Variants in SMURF2 observed in about 807,000 individuals in gnomAD.
The protein encoded by SMURF2 is E3 ubiquitin-protein ligase SMURF2.
Under a neutral mutation model 109.6 loss-of-function variants are expected in SMURF2, and 48 were observed. The ratio of observed to expected loss-of-function variants is 0.44; its 90% CI spans 0.35 to 0.56. The LOEUF (loss-of-function observed/expected upper bound fraction) is 0.56. Ranked by LOEUF, SMURF2 falls within the 20% of genes least tolerant of loss-of-function variation. SMURF2 has a pLI of 0.01. For synonymous variants in SMURF2, 288 were observed against 317.1 expected (o/e 0.91, Z 0.97); for missense variants, 575 against 909.0 (o/e 0.63, Z 4.72).
chr17:64,549,696 T>C (rs1452543498), intron 16 of SMURF2, among the ~76,000 whole-genome samples: 1 of 152,116 alleles, frequency 6.6e-6, no homozygotes, highest in African/African-American at 2.4e-5. Flanking sequence ...AGGCAGAGGT[T>C]GCGGTAAGTG....
chr17:64,614,065 G>A (rs577712855), intron 1 of SMURF2, among the ~76,000 whole-genome samples: 6 of 152,194 alleles, frequency 3.9e-5, no homozygotes, highest in African/African-American at 1.4e-4. Context: ...GATCTGAGAG[G>A]AGGCTGAGCT....
Position 64,542,826 on chromosome 17 carries a change from T to C in SMURF2, c.*3022A>G, listed in dbSNP as rs559439906. The C allele has an allele frequency of 6.6e-6, 1 of 152,248 alleles. No homozygotes were observed. Among genetic ancestry groups the C allele is most frequent in the East Asian group, 1.9e-4 (1 of 5,180 alleles). The allele number at this position is 152,248 out of a possible 1,614,324, so 9.4% of individuals were successfully genotyped here. ...ATACATGAAAGAAAAAAAGGCTTGG[T>C]AAAAAACCCATTCGGGGCAACAAAC... On this transcript the variant is annotated 3_prime_UTR_variant, in exon 19 of 19. Coordinates refer to ENST00000262435, the MANE Select transcript of SMURF2 (RefSeq NM_022739.4).
chr17:64,544,851 A>G lies in SMURF2; in HGVS notation c.*997T>C, dbSNP rs1332647799. On this transcript the variant is annotated 3_prime_UTR_variant, in exon 19 of 19. Transcript: ENST00000262435. The stretch of plus-strand genomic sequence containing the variant: ...CTTTAGGATGGTTTTGTTAATGGAA[A>G]CTTACACTGTAGTTAAAATACAATA... The G allele has an allele frequency of 6.6e-6, 1 of 152,622 alleles. No individual in the cohort carries two copies. The highest frequency in any genetic ancestry group is 1.5e-5 in the Non-Finnish European group (1 of 68,042). The allele number at this position is 152,622 out of a possible 1,614,324, so 9.5% of individuals were successfully genotyped here. A position where few individuals can be genotyped will look rare whatever the true frequency, so the allele number is the denominator to read the frequency against.
intron 1 of SMURF2, among the ~76,000 whole-genome samples, chr17:64,651,857 C>T (rs1488652770): frequency 3.9e-5 from 6 of 152,012 alleles, no homozygotes; most frequent in African/African-American, 1.2e-4. Flanking sequence ...AGTTCAAGAT[C>T]GCAGTGAGCT....
intron 16 of SMURF2, among the ~76,000 whole-genome samples, chr17:64,548,922 T>C (rs1461653100): frequency 6.6e-6 from 1 of 152,110 alleles, no homozygotes; most frequent in Non-Finnish European, 1.5e-5. Context: ...AACTTGCAAA[T>C]CCTGTATTTT....
At chr17:64,637,965 A>C (rs1555692235) in intron 1 of SMURF2, among the ~76,000 whole-genome samples, 1 of 148,564 alleles carries the variant, frequency 6.7e-6, no homozygotes, top group African/African-American at 2.5e-5. Flanking sequence ...CAAATGTATA[A>C]TTTTCTTTCT....
intron 15 of SMURF2, among the ~76,000 whole-genome samples, chr17:64,551,981 C>T (rs1555683665): frequency 6.6e-6 from 1 of 152,208 alleles, no homozygotes; most frequent in Admixed American, 6.5e-5. Context: ...AGGACGTCTA[C>T]TAGAGCTGAG....
rs940857573 is a variant in SMURF2 at position 64,616,797 on chromosome 17, A to C, written c.53-10157T>G. Among the ~76,000 whole-genome samples, 7 of 152,002 alleles carry C rather than the reference A, an allele frequency of 4.6e-5. No individual in the cohort carries two copies. In the South Asian group the frequency reaches 6.2e-4, roughly 14 times the overall value. Reference sequence around the variant, plus strand: ...AAAGAATCTTACTCTAGGCTGGCACAGTGGCTCATGCCTGTAATCCCAACA... The same window carrying C: ...AAAGAATCTTACTCTAGGCTGGCACCGTGGCTCATGCCTGTAATCCCAACA... On this transcript the variant is annotated intron_variant, in intron 1 of 18. Coordinates refer to ENST00000262435, the MANE Select transcript of SMURF2 (RefSeq NM_022739.4).
chr17:64,565,084 A>T (rs893611091), intron 10 of SMURF2, among the ~76,000 whole-genome samples: 3 of 152,216 alleles, frequency 2.0e-5, no homozygotes, highest in Non-Finnish European at 4.4e-5. Flanking sequence ...GGCTGATTTT[A>T]AAAAATCCAG....
intron 16 of SMURF2, among the ~76,000 whole-genome samples, chr17:64,548,858 A>G (rs1968995683): frequency 6.6e-6 from 1 of 152,200 alleles, no homozygotes; most frequent in Non-Finnish European, 1.5e-5. Flanking sequence ...AACTCACCAT[A>G]CTAATCTAAC....
chr17:64,623,044 G>C (rs982289612), intron 1 of SMURF2, among the ~76,000 whole-genome samples: 2 of 151,984 alleles, frequency 1.3e-5, no homozygotes, highest in African/African-American at 2.4e-5. Context: ...CCATTGGTTC[G>C]TGTGTTCCTT....
intron 1 of SMURF2, among the ~76,000 whole-genome samples, chr17:64,617,807 A>G (rs1173025306): frequency 2.0e-5 from 3 of 152,186 alleles, no homozygotes; most frequent in African/African-American, 4.8e-5. Flanking sequence ...TAGTCCACTC[A>G]TATCAAACAA....
intron 10 of SMURF2, among the ~76,000 whole-genome samples, chr17:64,569,273 C>A (rs1969362985): frequency 6.6e-6 from 1 of 151,604 alleles, no homozygotes; most frequent in Non-Finnish European, 1.5e-5. Context: ...TGTACTCCAG[C>A]CTGGGTGACA....
intron 10 of SMURF2, among the ~76,000 whole-genome samples, chr17:64,563,966 T>A (rs782073834): frequency 2.6e-5 from 4 of 152,096 alleles, no homozygotes; most frequent in Non-Finnish European, 5.9e-5. Flanking sequence ...ACAAGTCAAG[T>A]CATAGACTAG....
chr17:64,592,185 A>G (rs537394781), intron 4 of SMURF2, among the ~76,000 whole-genome samples: 1 of 152,322 alleles, frequency 6.6e-6, no homozygotes, highest in Admixed American at 6.5e-5. Context: ...GACAGGATTC[A>G]TGCCTTTTTC....
rs1048836591 is a variant in SMURF2 at position 64,581,014 on chromosome 17, A to G, written c.570-23T>C. The stretch of plus-strand genomic sequence containing the variant: ...GGTCTATTGAAAATTAACAAGGAAA[A>G]GATGTTATCAATTTAGATATCAAAA... On this transcript the variant is annotated intron_variant, in intron 7 of 18. Coordinates refer to ENST00000262435, the MANE Select transcript of SMURF2 (RefSeq NM_022739.4). The surrounding 1 kb of genome is among the most constrained non-coding windows in gnomAD (Gnocchi z 4.3). The G allele has an allele frequency of 2.5e-6, 4 of 1,608,174 alleles. No homozygotes were observed. The Admixed American group carries it at 5.0e-5, about 20-fold the overall frequency.
At chr17:64,593,621 T>C (rs1969778770) in intron 3 of SMURF2, 48 bp from the exon 4 acceptor site, 3 of 1,438,770 alleles carry the variant, frequency 2.1e-6, no homozygotes, top group Non-Finnish European at 2.8e-6. Context: ...TACAGGCAGT[T>C]GGCGTAAAAT....
chr17:64,661,563 G>T (rs1041385834), intron 1 of SMURF2, among the ~76,000 whole-genome samples: 2 of 152,010 alleles, frequency 1.3e-5, no homozygotes, highest in African/African-American at 4.8e-5. Flanking sequence ...AAGACTTTCC[G>T]ACCTGAAATC....
rs1466774985 is a variant in SMURF2 at position 64,544,963 on chromosome 17, C to T, written c.*885G>A. ...GCTGACCCAGCAAAATAACGAAAATCCCATCCCATCCACATGCTCTGAGAA... is the reference window on the plus strand; with the variant it reads ...GCTGACCCAGCAAAATAACGAAAATTCCATCCCATCCACATGCTCTGAGAA... On this transcript the variant is annotated 3_prime_UTR_variant, in exon 19 of 19. Transcript: ENST00000262435. The T allele has an allele frequency of 6.6e-6, 1 of 152,496 alleles. No homozygotes were observed. Among genetic ancestry groups the T allele is most frequent in the Non-Finnish European group, 1.5e-5 (1 of 68,022 alleles). 9.4% of individuals were successfully genotyped at this position (152,496 alleles called of 1,614,324 possible). A position where few individuals can be genotyped will look rare whatever the true frequency, so the allele number is the denominator to read the frequency against.
Sources: gnomAD v4.1 joint callset for allele counts (sites outside exome capture counted in the v4.1 genomes callset) on GRCh38, gnomAD v4.1.1 for gene constraint, Gnocchi (gnomAD v3.1) non-coding constraint, MANE v1.5 for transcripts, NCBI Gene and HGNC (gene_info 2026-07-23, HGNC 2026-07-21) for gene names.